Variants in FSTL4 observed in about 807,000 individuals in gnomAD.
FSTL4 encodes follistatin-related protein 4.
In FSTL4, 28 loss-of-function variants were observed where a neutral mutation model predicts 78.2. That is an observed-to-expected ratio of 0.36 (90% CI 0.27 to 0.49). The LOEUF is 0.49. Among genes scored for constraint, FSTL4 ranks in the 20% least tolerant of loss-of-function variants. The pLI, the probability that FSTL4 is intolerant of heterozygous loss-of-function variation, is 0.98. For missense variants in FSTL4, 922 were observed against 1,084.9 expected (o/e 0.85, Z 2.11); for synonymous variants, 422 against 440.5 (o/e 0.96, Z 0.53).
chr5:133,415,156 G>A (rs2126982743), intron 3 of FSTL4, among the ~76,000 whole-genome samples: 1 of 152,362 alleles, frequency 6.6e-6, no homozygotes, highest in East Asian at 1.9e-4. Flanking sequence ...TATCTTCTGA[G>A]CAGGCAATGC....
intron 4 of FSTL4, among the ~76,000 whole-genome samples, chr5:133,345,508 C>T (rs778996849): frequency 2.6e-5 from 4 of 152,176 alleles, no homozygotes; most frequent in Non-Finnish European, 5.9e-5. Flanking sequence ...ATGCCTACAT[C>T]GTGAATGGTA....
the FSTL4 span, among the ~76,000 whole-genome samples, chr5:133,647,530 C>A: frequency 6.6e-6 from 1 of 152,118 alleles, no homozygotes; most frequent in African/African-American, 2.4e-5. Context: ...TAGATAAGAC[C>A]CTTTCTGGGG....
chr5:133,369,151 C>A (rs2126941281), intron 4 of FSTL4, among the ~76,000 whole-genome samples: 1 of 152,328 alleles, frequency 6.6e-6, no homozygotes, highest in Non-Finnish European at 1.5e-5. Context: ...CACCAGCCTC[C>A]AAAGCTACCC....
intron 6 of FSTL4, among the ~76,000 whole-genome samples, chr5:133,307,119 A>G (rs1753674850): frequency 6.6e-6 from 1 of 152,218 alleles, no homozygotes; most frequent in African/African-American, 2.4e-5. Flanking sequence ...AAAGTCACAC[A>G]GTTAGTCAGT....
At chr5:133,648,540 C>G in the FSTL4 span, among the ~76,000 whole-genome samples, 1 of 152,112 alleles carries the variant, frequency 6.6e-6, no homozygotes, top group Admixed American at 6.5e-5. Context: ...TCATCAACCC[C>G]CTATGGTACA....
chr5:133,375,312 A>ATATATATATATATAT (rs1554109201), intron 4 of FSTL4, among the ~76,000 whole-genome samples: 28 of 134,652 alleles, frequency 2.1e-4, no homozygotes, highest in East Asian at 4.2e-4. Context: ...ATATATATAT[A>ATATATATATATATAT]AAAGACTCTA....
intron 4 of FSTL4, among the ~76,000 whole-genome samples, chr5:133,358,970 GAGTGAGCATTC>G (rs1755007278): frequency 6.6e-6 from 1 of 152,172 alleles, no homozygotes; most frequent in South Asian, 2.1e-4. Context: ...CCAACATGCA[GAGTGAGCATTC>G]AGGTCTGGTT....
chr5:133,527,531 C>G (rs552103370), intron 3 of FSTL4, among the ~76,000 whole-genome samples: 21 of 151,970 alleles, frequency 1.4e-4, no homozygotes, highest in Non-Finnish European at 2.4e-4. Flanking sequence ...CATAACTGAC[C>G]GATGTTATAA....
At chr5:133,280,864 C>T (rs901215257) in intron 6 of FSTL4, among the ~76,000 whole-genome samples, 1 of 152,228 alleles carries the variant, frequency 6.6e-6, no homozygotes, top group African/African-American at 2.4e-5. Context: ...GCTAGTTCCT[C>T]TCACCTCCCT....
chr5:133,812,898 G>A, the FSTL4 span, among the ~76,000 whole-genome samples: 4 of 152,160 alleles, frequency 2.6e-5, no homozygotes, highest in Admixed American at 6.5e-5. Flanking sequence ...CTGGGGGCTC[G>A]GCTGCTTCCT....
At chr5:133,443,910 G>A (rs1757210971) in intron 3 of FSTL4, among the ~76,000 whole-genome samples, 2 of 152,152 alleles carry the variant, frequency 1.3e-5, no homozygotes, top group South Asian at 2.1e-4. Context: ...GCTTAAGACC[G>A]TGGTGTGCTT....
intron 3 of FSTL4, among the ~76,000 whole-genome samples, chr5:133,487,549 T>C (rs556149656): frequency 6.6e-6 from 1 of 152,334 alleles, no homozygotes; most frequent in South Asian, 2.1e-4. Flanking sequence ...ATTTATTAAA[T>C]GTAGAAGCTG....
chr5:133,218,482 C>T (rs969061373), intron 12 of FSTL4, among the ~76,000 whole-genome samples: 2 of 152,190 alleles, frequency 1.3e-5, no homozygotes, highest in African/African-American at 4.8e-5. Flanking sequence ...TTCCCCCTCA[C>T]TCCCAATAAC....
At chr5:133,765,327 C>A in the FSTL4 span, among the ~76,000 whole-genome samples, 1 of 152,128 alleles carries the variant, frequency 6.6e-6, no homozygotes, top group Non-Finnish European at 1.5e-5. Flanking sequence ...TTTCAAAAAC[C>A]AAATGAACCA....
At chr5:133,547,921 G>T (rs562973594) in intron 3 of FSTL4, among the ~76,000 whole-genome samples, 36 of 152,192 alleles carry the variant, frequency 2.4e-4, no homozygotes, top group Admixed American at 3.9e-4. Flanking sequence ...AAAGTTACCC[G>T]GCCAATCATT....
intron 4 of FSTL4, among the ~76,000 whole-genome samples, chr5:133,372,112 A>G (rs1472426485): frequency 1.3e-5 from 2 of 152,180 alleles, no homozygotes; most frequent in African/African-American, 4.8e-5. Context: ...ACACCTCATC[A>G]AACTTCCAGG....
At chr5:133,800,365 C>T in the FSTL4 span, among the ~76,000 whole-genome samples, 3 of 137,852 alleles carry the variant, frequency 2.2e-5, no homozygotes, top group African/African-American at 8.0e-5. Context: ...CTTCCATAGG[C>T]GACATTGGAA....
At chr5:133,290,420 T>G (rs911702433) in intron 6 of FSTL4, among the ~76,000 whole-genome samples, 2 of 152,248 alleles carry the variant, frequency 1.3e-5, no homozygotes, top group Non-Finnish European at 2.9e-5. Flanking sequence ...TGAGCCTCTG[T>G]GGCATGGAGA....
At chr5:133,489,179 C>A (rs1758206263) in intron 3 of FSTL4, among the ~76,000 whole-genome samples, 1 of 152,190 alleles carries the variant, frequency 6.6e-6, no homozygotes, top group Non-Finnish European at 1.5e-5. Flanking sequence ...AGGGCAGACC[C>A]TCTGGAGAAC....
Sources: gnomAD v4.1 joint callset for allele counts (sites outside exome capture counted in the v4.1 genomes callset) on GRCh38, gnomAD v4.1.1 for gene constraint, MANE v1.5 for transcripts, NCBI Gene and HGNC (gene_info 2026-07-23, HGNC 2026-07-21) for gene names.